Variants in GALNT8 observed in about 807,000 individuals in gnomAD.
GALNT8 encodes probable polypeptide N-acetylgalactosaminyltransferase 8.
Under a neutral mutation model 62.7 loss-of-function variants are expected in GALNT8, and 66 were observed. That is an observed-to-expected ratio of 1.05 (90% CI 0.86 to 1.29). GALNT8 has a LOEUF of 1.29. Among genes scored for constraint, GALNT8 ranks in the 50% most tolerant of loss-of-function variants. The probability of loss-of-function intolerance (pLI) is 0.00; values close to 1 mark genes in which losing one functional copy is unlikely to be tolerated. For missense variants in GALNT8, 771 were observed against 791.8 expected (o/e 0.97, Z 0.32); for synonymous variants, 288 against 294.3 (o/e 0.98, Z 0.22).
intron 6 of GALNT8, among the ~76,000 whole-genome samples, chr12:4,760,372 G>C (rs1427015844): frequency 6.6e-6 from 1 of 152,198 alleles, no homozygotes; most frequent in Non-Finnish European, 1.5e-5. Context: ...ACAAAAGAGA[G>C]CATCTCTTGG....
At position 4,720,419 on chromosome 12, in the gene GALNT8, TGTGG is replaced by T; in HGVS notation, c.-258_-255del. On this transcript the variant is annotated 5_prime_UTR_variant, in exon 1 of 11. Coordinates refer to ENST00000252318, the MANE Select transcript of GALNT8 (RefSeq NM_017417.2). ...GGGAGTGTTATCTCCCTGAGCAACCTGTGGAAAGCCGCTGAGCAACCTGTGGAAA... is the reference window on the plus strand; with the variant it reads ...GGGAGTGTTATCTCCCTGAGCAACCTAAAGCCGCTGAGCAACCTGTGGAAA... 2 of 495,938 alleles carry T rather than the reference TGTGG, an allele frequency of 4.0e-6. No individual in the cohort carries two copies. Among genetic ancestry groups the T allele is most frequent in the Non-Finnish European group, 7.3e-6 (2 of 273,188 alleles). 30.7% of individuals were successfully genotyped at this position (495,938 alleles called of 1,614,324 possible).
chr12:4,738,956 G>T (rs1946257863), intron 2 of GALNT8, among the ~76,000 whole-genome samples: 1 of 152,108 alleles, frequency 6.6e-6, no homozygotes, highest in African/African-American at 2.4e-5. Flanking sequence ...AATAAAAAAA[G>T]ATTTTATCCC....
intron 10 of GALNT8, among the ~76,000 whole-genome samples, chr12:4,767,871 C>T (rs144985377): frequency 7.4e-4 from 113 of 152,248 alleles, no homozygotes; most frequent in Admixed American, 6.7e-3. Context: ...GCATGGTACT[C>T]GGTGCAAAGG....
intron 2 of GALNT8, among the ~76,000 whole-genome samples, chr12:4,736,336 C>T (rs921156014): frequency 6.6e-6 from 1 of 152,150 alleles, no homozygotes; most frequent in Non-Finnish European, 1.5e-5. Flanking sequence ...ATGCACATCC[C>T]TGGTAATCTG....
At chr12:4,722,004 C>CATAG (rs143629864) in intron 1 of GALNT8, among the ~76,000 whole-genome samples, 24,476 of 152,148 alleles carry the variant, frequency 0.16, 2,101 homozygotes, top group Non-Finnish European at 0.2. Context: ...GCACATCTTG[C>CATAG]ATAGCCCTTA....
In GALNT8 at chr12:4,765,368, T is replaced by C; in HGVS notation, c.1594-11T>C. 6.9e-7 allele frequency: 1 copy of C among 1,443,206 alleles called. No individual in the cohort carries two copies. Among genetic ancestry groups the C allele is most frequent in the Non-Finnish European group, 9.1e-7 (1 of 1,103,898 alleles). The allele number at this position is 1,443,206 out of a possible 1,614,324, so 89.4% of individuals were successfully genotyped here. On this transcript the variant is annotated splice_polypyrimidine_tract_variant and intron_variant, in intron 9 of 10. Transcript: ENST00000252318. Reference sequence around the variant, plus strand: ...AGCCCTCTGCTTTTTTTTTTTTTTTTTTTTTTTTAGAATGTCTACTATCAC... The same window carrying C: ...AGCCCTCTGCTTTTTTTTTTTTTTTCTTTTTTTTAGAATGTCTACTATCAC...
chr12:4,745,924 A>C (rs1446001016), intron 5 of GALNT8, among the ~76,000 whole-genome samples: 1 of 152,242 alleles, frequency 6.6e-6, no homozygotes, highest in Non-Finnish European at 1.5e-5. Flanking sequence ...GATACCTAGA[A>C]GAAAAAGGTG....
In GALNT8 at chr12:4,749,902, A is replaced by G. The variant is rs1378396715; in HGVS notation, c.1173+3644A>G. Among the ~76,000 whole-genome samples, 2 of 152,018 alleles carry G rather than the reference A, an allele frequency of 1.3e-5. No homozygotes were observed. The highest frequency in any genetic ancestry group is 4.8e-5 in the African/African-American group (2 of 41,392). On this transcript the variant is annotated intron_variant, in intron 6 of 10. Transcript: ENST00000252318. The surrounding 1 kb of genome is among the most constrained non-coding windows in gnomAD (Gnocchi z 4.1). ...CTGGTTCAATCTTGAACCAAGTTCA[A>G]TGTGTCTAGGAATTTGTCCATTTCT...
At chr12:4,771,801 G>C (rs1286694950) in intron 10 of GALNT8, among the ~76,000 whole-genome samples, 1 of 152,160 alleles carries the variant, frequency 6.6e-6, no homozygotes, top group Non-Finnish European at 1.5e-5. Flanking sequence ...AGGAGTGTCA[G>C]TTGCTGAGAT....
At chr12:4,764,129 C>T in intron 9 of GALNT8, 82 bp downstream of exon 9, 1 of 812,646 alleles carries the variant, frequency 1.2e-6, no homozygotes, top group Admixed American at 1.7e-5. Context: ...GGTCTGGACT[C>T]CGTGATACGT....
At chr12:4,756,145 C>A (rs1224710879) in intron 6 of GALNT8, among the ~76,000 whole-genome samples, 1 of 152,208 alleles carries the variant, frequency 6.6e-6, no homozygotes, top group Admixed American at 6.5e-5. Context: ...GATAAAATAT[C>A]ATTTCCACAG....
chr12:4,750,619 C>T (rs542028644), intron 6 of GALNT8, among the ~76,000 whole-genome samples: 95 of 152,156 alleles, frequency 6.2e-4, no homozygotes, highest in South Asian at 6.2e-3. Flanking sequence ...GATTTCATGT[C>T]TTTGCTATTG....
chr12:4,752,825 A>T (rs1358761989), intron 6 of GALNT8, among the ~76,000 whole-genome samples: 1 of 152,162 alleles, frequency 6.6e-6, no homozygotes, highest in African/African-American at 2.4e-5. Flanking sequence ...TTCTGACTGA[A>T]GTACTCCCTT....
intron 1 of GALNT8, among the ~76,000 whole-genome samples, chr12:4,721,121 T>A (rs1373530606): frequency 3.3e-5 from 5 of 151,952 alleles, no homozygotes; most frequent in Middle Eastern, 3.2e-3. Context: ...AGCATGTGTG[T>A]GTGTATGCGT....
At chr12:4,752,024 A>G (rs1029026875) in intron 6 of GALNT8, among the ~76,000 whole-genome samples, 6 of 152,022 alleles carry the variant, frequency 3.9e-5, no homozygotes, top group Non-Finnish European at 5.9e-5. Context: ...GTCTCTTCTT[A>G]TAGTTTTTGT....
At chr12:4,737,498 A>G (rs1051901937) in intron 2 of GALNT8, among the ~76,000 whole-genome samples, 1 of 152,152 alleles carries the variant, frequency 6.6e-6, no homozygotes, top group Non-Finnish European at 1.5e-5. Flanking sequence ...AAGAGGTGAA[A>G]AGGAATCATT....
chr12:4,731,148 T>C (rs1946220557), intron 2 of GALNT8, among the ~76,000 whole-genome samples: 1 of 152,188 alleles, frequency 6.6e-6, no homozygotes, highest in Non-Finnish European at 1.5e-5. Flanking sequence ...AGATGATTTT[T>C]CATTTATTTG....
chr12:4,720,450 C>T lies in GALNT8; in HGVS notation c.-228C>T, dbSNP rs1302097618. On this transcript the variant is annotated 5_prime_UTR_variant, in exon 1 of 11. Transcript: ENST00000252318. ...AAGCCGCTGAGCAACCTGTGGAAAG[C>T]CGCTGAGCGGTTATCCTCTCGGGGC... 7.9e-5 allele frequency: 43 copies of T among 541,980 alleles called. No individual in the cohort carries two copies. The East Asian group carries it at 1.2e-3, about 15-fold the overall frequency. 33.6% of individuals were successfully genotyped at this position (541,980 alleles called of 1,614,324 possible). A position where few individuals can be genotyped will look rare whatever the true frequency, so the allele number is the denominator to read the frequency against.
chr12:4,770,145 T>G (rs944184436), intron 10 of GALNT8, among the ~76,000 whole-genome samples: 2 of 151,482 alleles, frequency 1.3e-5, no homozygotes, highest in African/African-American at 4.9e-5. Flanking sequence ...CTACTAAAAA[T>G]ACAAAAATTA....
Sources: gnomAD v4.1 joint callset for allele counts (sites outside exome capture counted in the v4.1 genomes callset) on GRCh38, gnomAD v4.1.1 for gene constraint, Gnocchi (gnomAD v3.1) non-coding constraint, MANE v1.5 for transcripts, NCBI Gene and HGNC (gene_info 2026-07-23, HGNC 2026-07-21) for gene names.